The following EIF2AK4 variants were observed in gnomAD, a reference collection of about 807,000 sequenced individuals.
EIF2AK4 encodes eIF-2-alpha kinase GCN2.
EIF2AK4 carries 139 observed loss-of-function variants against 211.1 expected under a neutral mutation model. The ratio of observed to expected loss-of-function variants is 0.66; its 90% CI spans 0.57 to 0.76. EIF2AK4 has a LOEUF of 0.76. Ranked by LOEUF, EIF2AK4 falls within the 30% of genes least tolerant of loss-of-function variation. The pLI, the probability that EIF2AK4 is intolerant of heterozygous loss-of-function variation, is 0.00. For missense variants in EIF2AK4, 1,664 were observed against 2,043.8 expected (o/e 0.81, Z 3.58); for synonymous variants, 710 against 751.3 (o/e 0.94, Z 0.90).
intron 3 of EIF2AK4, chr15:39,946,754 C>A: frequency 1.5e-6 from 1 of 665,984 alleles, no homozygotes. Flanking sequence ...CGCAACCACC[C>A]CAGCCTTCAC....
At chr15:40,005,250 T>C (rs1478430902) in intron 23 of EIF2AK4, among the ~76,000 whole-genome samples, 2 of 152,224 alleles carry the variant, frequency 1.3e-5, no homozygotes, top group Non-Finnish European at 2.9e-5. Flanking sequence ...TATTTAGATA[T>C]AGCCATATTT....
chr15:40,023,348 A>AT (rs1026091938), intron 32 of EIF2AK4, among the ~76,000 whole-genome samples: 5 of 151,370 alleles, frequency 3.3e-5, no homozygotes, highest in South Asian at 2.1e-4. Flanking sequence ...TTCTCTTCTA[A>AT]TTTTTTTTTG....
rs1197242320 is a variant in EIF2AK4 at position 39,995,142 on chromosome 15, G to T, written c.2767-1822G>T. 3.9e-5 allele frequency among the ~76,000 whole-genome samples: 6 copies of T among 151,984 alleles called. No homozygotes were observed. In the East Asian group the frequency reaches 1.2e-3, roughly 29 times the overall value. On this transcript the variant is annotated intron_variant, in intron 18 of 38. Transcript: ENST00000263791. ...CAGGCATGAGCCACTGCACCTGGCC[G>T]TATATACATATTTTTTTAAAAAACC...
In EIF2AK4 at chr15:39,967,553, C is replaced by T; in HGVS notation, c.1227C>T (p.Leu409=). Residue 409 remains leucine, a synonymous_variant, in exon 9 of 39, where the codon CTC becomes CTT. Transcript: ENST00000263791. ...VHQLRRYTAQ[L]LSGLDYLHSN... ...AGCTTCGCAGGTACACAGCTCAGCT[C>T]CTGTCAGGCCTTGATTATCTGCACA... 6.2e-7 allele frequency: 1 copy of T among 1,613,898 alleles called. No homozygotes were observed. The highest frequency in any genetic ancestry group is 8.5e-7 in the Non-Finnish European group (1 of 1,179,880).
At chr15:40,016,999 C>A in intron 28 of EIF2AK4, 109 bp from the exon 29 acceptor site, 2 of 1,401,462 alleles carry the variant, frequency 1.4e-6, no homozygotes, top group Non-Finnish European at 2.0e-6. Context: ...TTTGTTTATG[C>A]TAAATAGATT....
Position 39,976,713 on chromosome 15 carries a change from C to G in EIF2AK4, c.2118C>G (p.Ser706Arg). 1 of 1,602,424 alleles carries G rather than the reference C, an allele frequency of 6.2e-7. No homozygotes were observed. The highest frequency in any genetic ancestry group is 1.1e-5 in the South Asian group (1 of 89,842). The change falls in exon 12 of 39, where the codon AGC becomes AGG. Residue 706 changes from serine to arginine, a missense_variant. Ser to Arg is a moderately radical substitution (Grantham distance 110). Transcript: ENST00000263791. ...CCGCCGCGCCGCCACCCATCCTCAG[C>G]AGCTCGGTGGAGTGGAGCACTTCGG... is the stretch of plus-strand genomic sequence containing the variant. ...VEAAAPPPIL[S>R]SSVEWSTSGE...
chr15:40,031,653 G>C (rs982575033), intron 35 of EIF2AK4, among the ~76,000 whole-genome samples: 1 of 151,960 alleles, frequency 6.6e-6, no homozygotes, highest in Non-Finnish European at 1.5e-5. Context: ...AAATGGTCAA[G>C]ATAAGTTATA....
chr15:39,943,956 T>TA (rs769524022), intron 3 of EIF2AK4, among the ~76,000 whole-genome samples: 72 of 145,934 alleles, frequency 4.9e-4, no homozygotes, highest in East Asian at 1.0e-3. Flanking sequence ...CCCTCTCTCT[T>TA]AAAAAAAAAG....
intron 27 of EIF2AK4, among the ~76,000 whole-genome samples, chr15:40,014,737 C>T (rs180773143): frequency 3.9e-4 from 59 of 152,300 alleles, no homozygotes; most frequent in Admixed American, 2.9e-3. Flanking sequence ...AAATTTCTGC[C>T]GCTGGCTTGA....
chr15:39,986,772 T>C (rs1300172545), intron 14 of EIF2AK4, among the ~76,000 whole-genome samples: 2 of 152,180 alleles, frequency 1.3e-5, no homozygotes, highest in Non-Finnish European at 2.9e-5. Flanking sequence ...GGAGAATCAC[T>C]TGAACCCAGG....
intron 25 of EIF2AK4, 54 bp from the exon 26 acceptor site, chr15:40,009,560 A>G: frequency 8.9e-7 from 1 of 1,125,160 alleles, no homozygotes; most frequent in African/African-American, 1.6e-5. Context: ...AGATTTGGTC[A>G]TGTACCAGTA....
chr15:39,997,125 C>G, intron 19 of EIF2AK4, 60 bp downstream of exon 19: 1 of 1,223,068 alleles, frequency 8.2e-7, no homozygotes, highest in Non-Finnish European at 1.2e-6. Flanking sequence ...GCACAGAGAT[C>G]AGAATTCAAA....
At chr15:40,026,170 T>C (rs768822832) in intron 33 of EIF2AK4, 81 bp downstream of exon 33, 2 of 1,293,948 alleles carry the variant, frequency 1.5e-6, no homozygotes, top group South Asian at 1.3e-5. Context: ...AAAAGTCAAT[T>C]TGAGCCAGGT....
intron 6 of EIF2AK4, among the ~76,000 whole-genome samples, chr15:39,957,699 A>G (rs928226977): frequency 8.5e-5 from 13 of 152,200 alleles, no homozygotes; most frequent in Admixed American, 8.5e-4. Context: ...CGTGCCTGGA[A>G]GACACATGGT....
At chr15:39,952,682 T>C (rs1298104957) in intron 4 of EIF2AK4, among the ~76,000 whole-genome samples, 4 of 152,172 alleles carry the variant, frequency 2.6e-5, no homozygotes, top group Non-Finnish European at 5.9e-5. Flanking sequence ...TAGGTTCTTA[T>C]GCTTGTCTCT....
At chr15:39,992,737 G>T in intron 17 of EIF2AK4, 32 bp from the exon 18 acceptor site, 1 of 1,587,494 alleles carries the variant, frequency 6.3e-7, no homozygotes, top group South Asian at 1.1e-5. Flanking sequence ...TGCTATTATT[G>T]GGACGTTTTC....
rs2035320525 is a variant in EIF2AK4 at position 40,017,504 on chromosome 15, TATATA to T, written c.4065+263_4065+267del. ...TCATGTACCCTTTACTCTGTTTCTA[TATATA>T]TATATATATATATATATATATATAT... On this transcript the variant is annotated intron_variant, in intron 29 of 38. Coordinates refer to ENST00000263791, the MANE Select transcript of EIF2AK4 (RefSeq NM_001013703.4). Among the ~76,000 whole-genome samples the T allele has an allele frequency of 6.6e-3, 533 of 81,048 alleles. 55 individuals are homozygous for T. The highest frequency in any genetic ancestry group is 0.023 in the East Asian group (53 of 2,346). 53.2% of individuals were successfully genotyped at this position (81,048 alleles called of 152,430 possible).
chr15:40,025,906 C>A, intron 32 of EIF2AK4, 71 bp from the exon 33 acceptor site: 1 of 1,416,250 alleles, frequency 7.1e-7, no homozygotes, highest in Non-Finnish European at 9.8e-7. Context: ...AGTAGTCTTA[C>A]TGTGGTGCTC....
rs369372821 is a variant in EIF2AK4 at position 40,013,330 on chromosome 15, A to G, written c.3759+1984A>G. Among the ~76,000 whole-genome samples, 6 of 152,202 alleles carry G rather than the reference A, an allele frequency of 3.9e-5. No homozygotes were observed. The East Asian group carries it at 1.2e-3, about 29-fold the overall frequency. On this transcript the variant is annotated intron_variant, in intron 27 of 38. Transcript: ENST00000263791. ...TTTTTCTTTTTTATAGCGGGATAGCAGGCGTGAGCCATTGCATCCAGCCAA... is the reference window on the plus strand; with the variant it reads ...TTTTTCTTTTTTATAGCGGGATAGCGGGCGTGAGCCATTGCATCCAGCCAA...
Sources: allele counts gnomAD v4.1 joint callset (sites outside exome capture counted in the v4.1 genomes callset), GRCh38; gene constraint gnomAD v4.1.1; transcripts MANE v1.5; gene names NCBI Gene and HGNC (gene_info 2026-07-23, HGNC 2026-07-21).